ANKAR: variants seen among roughly 807,000 people sequenced by gnomAD.
ANKAR encodes ankyrin and armadillo repeat-containing protein.
Under a neutral mutation model 146.2 loss-of-function variants are expected in ANKAR, and 136 were observed. The ratio of observed to expected loss-of-function variants is 0.93; its 90% CI spans 0.81 to 1.07. The LOEUF (loss-of-function observed/expected upper bound fraction) is 1.07, where lower values mean the gene tolerates loss of function less well. Ranked by LOEUF, ANKAR falls within the 50% of genes least tolerant of loss-of-function variation. ANKAR has a pLI of 0.00. For synonymous variants in ANKAR, 500 were observed against 575.8 expected, an observed-to-expected ratio of 0.87 and a Z score of 1.88; for missense variants, 1,567 against 1,679.9, an observed-to-expected ratio of 0.93 and a Z score of 1.18.
Position 189,676,540 on chromosome 2 carries a change from A to G in ANKAR, c.50A>G (p.Asp17Gly), listed in dbSNP as rs1440755199. Residue 17 changes from aspartate to glycine, a missense_variant, in exon 2 of 23, where the codon GAT becomes GGT. Asp to Gly is a moderately conservative substitution (Grantham distance 94). Transcript: ENST00000684021. Reference sequence around the variant, plus strand: ...TTACCTAGATTTGAGCAAGTTCAGGATGAAGACACCTACCTGGAAAATTTA... The same window carrying G: ...TTACCTAGATTTGAGCAAGTTCAGGGTGAAGACACCTACCTGGAAAATTTA... Reference protein sequence around the residue: ...KGLPRFEQVQDEDTYLENLAI... With the variant: ...KGLPRFEQVQGEDTYLENLAI... 2 of 1,593,734 alleles carry G rather than the reference A, an allele frequency of 1.3e-6. No individual in the cohort carries two copies. The highest frequency in any genetic ancestry group is 1.1e-5 in the South Asian group (1 of 89,942).
intron 5 of ANKAR, 60 bp downstream of exon 5, chr2:189,693,237 C>G: frequency 9.3e-7 from 1 of 1,076,132 alleles, no homozygotes; most frequent in South Asian, 1.4e-5. Flanking sequence ...TAGTAGAGAA[C>G]AAAGAAAATG....
At chr2:189,715,314 T>C (rs963274950) in intron 10 of ANKAR, among the ~76,000 whole-genome samples, 1 of 152,058 alleles carries the variant, frequency 6.6e-6, no homozygotes, top group African/African-American at 2.4e-5. Flanking sequence ...TAAACACCCC[T>C]ACACAAATAA....
In ANKAR at chr2:189,695,038, G is replaced by A. The variant is rs753795809; in HGVS notation, c.1365G>A (p.Gln455=). The A allele has an allele frequency of 3.1e-6, 5 of 1,611,340 alleles. No homozygotes were observed. The South Asian group carries it at 3.3e-5, about 11-fold the overall frequency. Residue 455 remains glutamine, a synonymous_variant, in exon 6 of 23, where the codon CAG becomes CAA. Transcript: ENST00000684021. Reference sequence around the variant, plus strand: ...TCTATCAGCAACTATATAAGACACAGTGGTGGGGAGCCATAAATGAAATAG... The same window carrying A: ...TCTATCAGCAACTATATAAGACACAATGGTGGGGAGCCATAAATGAAATAG... ...ETFYQQLYKT[Q]WWGAINEIVN...
At chr2:189,684,847 AATAGAGGT>A (rs1268524267) in intron 2 of ANKAR, among the ~76,000 whole-genome samples, 2 of 151,378 alleles carry the variant, frequency 1.3e-5, no homozygotes, top group Non-Finnish European at 2.9e-5. Flanking sequence ...AAAAAAAAAA[AATAGAGGT>A]TAAAGCTGTG....
At chr2:189,727,787 G>A in intron 12 of ANKAR, 69 bp from the exon 13 acceptor site, 1 of 1,511,806 alleles carries the variant, frequency 6.6e-7, no homozygotes, top group South Asian at 1.3e-5. Flanking sequence ...GGAAACTAAT[G>A]ATATGCTGCA....
chr2:189,730,532 G>T lies in ANKAR; in HGVS notation c.3231G>T (p.Leu1077Phe), dbSNP rs1225090. 1 allele frequency: 1,599,241 copies of T among 1,605,172 alleles called. 796,822 individuals are homozygous for T. The highest frequency in any genetic ancestry group is 1 in the East Asian group (44,196 of 44,198). The change falls in exon 16 of 23, where the codon TTG becomes TTT. Residue 1077 changes from leucine to phenylalanine, a missense_variant. Physicochemically the swap from Leu to Phe is conservative, Grantham distance 22. Transcript: ENST00000684021. ...CAAGCAATCCTGTCAGTCAACAATT[G>T]GTTGTAGATGAAAATGCCTTTCCAG... is the stretch of plus-strand genomic sequence containing the variant. ...AHTSNPVSQQ[L>F]VVDENAFPVL... is the part of the protein sequence containing the mutation.
downstream of ANKAR, chr2:189,761,342 T>C: frequency 1.3e-6 from 2 of 1,486,348 alleles, no homozygotes; most frequent in Non-Finnish European, 1.8e-6. Flanking sequence ...TCCTGAAAAC[T>C]TTTATATATG....
At chr2:189,756,145 G>A (rs776319348) in intron 18 of ANKAR, among the ~76,000 whole-genome samples, 22 of 152,146 alleles carry the variant, frequency 1.4e-4, no homozygotes, top group Non-Finnish European at 2.8e-4. Context: ...TAAAGACGAC[G>A]AGTTTATTTT....
Position 189,752,666 on chromosome 2 carries a change from G to A in ANKAR, c.*584+7878G>A, listed in dbSNP as rs545117874. The A allele has an allele frequency of 6.2e-6, 10 of 1,613,678 alleles. No individual in the cohort carries two copies. The East Asian group carries it at 1.1e-4, about 18-fold the overall frequency. ...GATACCACATACTTTGGTTCATAGC[G>A]GATGCCTTCTATGTCATGTAAAATG... is the stretch of plus-strand genomic sequence containing the variant. On this transcript the variant is annotated intron_variant and NMD_transcript_variant, in intron 18 of 18. Transcript: ENST00000441800.
intron 1 of ANKAR, chr2:189,675,863 C>CT: frequency 6.6e-6 from 1 of 152,514 alleles, no homozygotes; most frequent in South Asian, 2.1e-4. Context: ...AACTCTACCT[C>CT]TGAGCTCATG....
At position 189,733,108 on chromosome 2, in the gene ANKAR, T is replaced by G. The variant is rs2042563344; in HGVS notation, c.3302T>G (p.Val1101Gly). ...AATTTCTGAAAACCACATGTTTAGGTTGAAGTGGCATTTTCCTTGGCATGC... is the reference window on the plus strand; with the variant it reads ...AATTTCTGAAAACCACATGTTTAGGGTGAAGTGGCATTTTCCTTGGCATGC... Reference protein sequence around the residue: ...LRNHPSPNIKVEVAFSLACIV... With the variant: ...LRNHPSPNIKGEVAFSLACIV... Residue 1101 changes from valine to glycine, a missense_variant and splice_region_variant, in exon 17 of 23, where the codon GTT (valine) becomes GGT (glycine). Physicochemically the swap from Val to Gly is moderately radical, Grantham distance 109. Transcript: ENST00000684021. The G allele has an allele frequency of 6.2e-7, 1 of 1,600,892 alleles. No individual in the cohort carries two copies. Among genetic ancestry groups the G allele is most frequent in the East Asian group, 2.2e-5 (1 of 44,718 alleles).
At chr2:189,762,497 AAAATCTGGACAAGGAGGATTG>A, downstream of ANKAR, 1 of 793,750 alleles carries the variant, frequency 1.3e-6, no homozygotes, top group Non-Finnish European at 1.5e-6. Context: ...TTGCATTAAC[AAAATCTGGACAAGGAGGATTG>A]TACGAAGCAC....
At chr2:189,731,676 C>CT (rs113260031) in intron 16 of ANKAR, among the ~76,000 whole-genome samples, 148,980 of 151,808 alleles carry the variant, frequency 0.98, 73,161 homozygotes, top group East Asian at 1. Context: ...CAGGCTGTTT[C>CT]TTTTTTAATC....
At chr2:189,741,952 A>G (rs1426562453) in intron 20 of ANKAR, among the ~76,000 whole-genome samples, 1 of 152,206 alleles carries the variant, frequency 6.6e-6, no homozygotes, top group East Asian at 1.9e-4. Context: ...ACTCTGATCT[A>G]AGTTATTTCT....
chr2:189,755,350 G>C (rs1384847313), intron 18 of ANKAR: 1 of 1,613,460 alleles, frequency 6.2e-7, no homozygotes, highest in Admixed American at 1.7e-5. Flanking sequence ...TATGATGAAT[G>C]GGAATGAATG....
chr2:189,748,143 GCTTT>G (rs1191731829), downstream of ANKAR, among the ~76,000 whole-genome samples: 4 of 152,150 alleles, frequency 2.6e-5, no homozygotes, highest in Non-Finnish European at 5.9e-5. Flanking sequence ...TGTACTTAGG[GCTTT>G]CTATGTGCTA....
At position 189,744,990 on chromosome 2, in the gene ANKAR, T is replaced by TCTACTACTACTACTACTACTACTA. The variant is rs543460540; in HGVS notation, c.4057+218_4057+241dup. 2.7e-3 allele frequency among the ~76,000 whole-genome samples: 302 copies of TCTACTACTACTACTACTACTACTA among 112,392 alleles called. 2 individuals are homozygous for TCTACTACTACTACTACTACTACTA. Among genetic ancestry groups the TCTACTACTACTACTACTACTACTA allele is most frequent in the Middle Eastern group, 0.013 (3 of 232 alleles). The allele number at this position is 112,392 out of a possible 152,430, so 73.7% of individuals were successfully genotyped here. ...CTAGCCAATATGGTGAAACCCCATCTCTACTACTACTACTACTACTACTAC... is the reference window on the plus strand; with the variant it reads ...CTAGCCAATATGGTGAAACCCCATCTCTACTACTACTACTACTACTACTACTACTACTACTACTACTACTACTAC... On this transcript the variant is annotated intron_variant, in intron 22 of 22. Coordinates refer to ENST00000684021, the MANE Select transcript of ANKAR (RefSeq NM_001378068.1).
downstream of ANKAR, among the ~76,000 whole-genome samples, chr2:189,749,168 C>T (rs545830859): frequency 2.1e-5 from 3 of 145,306 alleles, no homozygotes; most frequent in South Asian, 2.2e-4. Flanking sequence ...ATTGCTTGAA[C>T]CTGGCAGACG....
intron 18 of ANKAR, chr2:189,752,600 G>A: frequency 6.4e-7 from 1 of 1,572,374 alleles, no homozygotes; most frequent in South Asian, 1.1e-5. Context: ...CAAAATCCAG[G>A]CTTTGTCTTA....
Sources: allele counts gnomAD v4.1 joint callset (sites outside exome capture counted in the v4.1 genomes callset), GRCh38; gene constraint gnomAD v4.1.1; transcripts MANE v1.5; gene names NCBI Gene and HGNC (gene_info 2026-07-23, HGNC 2026-07-21).